HS3ST4: variants seen among roughly 807,000 people sequenced by gnomAD.
HS3ST4 encodes heparan sulfate-glucosamine 3-sulfotransferase 4.
A neutral mutation model predicts 29.2 loss-of-function variants in HS3ST4; 17 were observed. The ratio of observed to expected loss-of-function variants is 0.58; its 90% CI spans 0.40 to 0.87. The LOEUF (loss-of-function observed/expected upper bound fraction) is 0.87, where lower values mean the gene tolerates loss of function less well. HS3ST4 is among the 40% of genes least tolerant of loss of function. The pLI, the probability that HS3ST4 is intolerant of heterozygous loss-of-function variation, is 0.00. For synonymous variants in HS3ST4, 314 were observed against 285.7 expected, an observed-to-expected ratio of 1.10 and a Z score of -1.00; for missense variants, 627 against 634.5, an observed-to-expected ratio of 0.99 and a Z score of 0.13.
intron 1 of HS3ST4, among the ~76,000 whole-genome samples, chr16:26,058,678 G>A (rs1257913880): frequency 1.3e-5 from 2 of 152,210 alleles, no homozygotes; most frequent in Non-Finnish European, 1.5e-5. Context: ...TACTTGGCTA[G>A]AAATTGGTTC....
At chr16:25,904,785 A>G (rs1596609642) in intron 1 of HS3ST4, among the ~76,000 whole-genome samples, 1 of 152,304 alleles carries the variant, frequency 6.6e-6, no homozygotes, top group East Asian at 1.9e-4. Context: ...GTTCCTGTAT[A>G]AAGCGGGGCT....
At chr16:26,092,402 G>A (rs1898868443) in intron 1 of HS3ST4, among the ~76,000 whole-genome samples, 1 of 152,100 alleles carries the variant, frequency 6.6e-6, no homozygotes, top group African/African-American at 2.4e-5. Context: ...TCCATGTCCA[G>A]TCCCCACTGC....
intron 1 of HS3ST4, among the ~76,000 whole-genome samples, chr16:26,075,053 C>T (rs755989170): frequency 2.0e-5 from 3 of 152,098 alleles, no homozygotes; most frequent in Non-Finnish European, 4.4e-5. Context: ...ATTAGCTGGG[C>T]GTGGTGGTAC....
At chr16:25,886,023 T>C (rs910213582) in intron 1 of HS3ST4, among the ~76,000 whole-genome samples, 2 of 126,540 alleles carry the variant, frequency 1.6e-5, no homozygotes, top group Non-Finnish European at 3.2e-5. Context: ...CTTTTCTTAC[T>C]GTGGTTTTTT....
intron 1 of HS3ST4, among the ~76,000 whole-genome samples, chr16:25,756,153 C>CAT (rs1567233565): frequency 1.2e-5 from 1 of 81,284 alleles, no homozygotes; most frequent in African/African-American, 4.6e-5. Context: ...CACACACACA[C>CAT]GCACACACAC....
chr16:26,017,113 T>G (rs571333113), intron 1 of HS3ST4, among the ~76,000 whole-genome samples: 2 of 152,352 alleles, frequency 1.3e-5, no homozygotes, highest in African/African-American at 2.4e-5. Context: ...ATTCAGCAAC[T>G]GACACTTACG....
At chr16:25,931,137 G>A (rs115562393) in intron 1 of HS3ST4, among the ~76,000 whole-genome samples, 3,616 of 152,210 alleles carry the variant, frequency 0.024, 158 homozygotes, top group African/African-American at 0.083. Flanking sequence ...CGGGAAATGC[G>A]GCCTTTGGGG....
intron 1 of HS3ST4, among the ~76,000 whole-genome samples, chr16:26,075,458 A>G (rs1201795343): frequency 6.6e-6 from 1 of 152,208 alleles, no homozygotes; most frequent in Non-Finnish European, 1.5e-5. Flanking sequence ...ATGCTCAAGA[A>G]AGGTTTGTTG....
intron 1 of HS3ST4, among the ~76,000 whole-genome samples, chr16:25,834,322 A>C (rs1241949807): frequency 1.3e-5 from 2 of 152,354 alleles, no homozygotes; most frequent in Non-Finnish European, 1.5e-5. Flanking sequence ...TGTTTTAAGA[A>C]GTCCTCTAGG....
intron 1 of HS3ST4, among the ~76,000 whole-genome samples, chr16:25,803,153 T>C (rs1210962948): frequency 6.6e-6 from 1 of 152,058 alleles, no homozygotes; most frequent in African/African-American, 2.4e-5. Context: ...TGATTGTAAT[T>C]GTAATAAGTT....
At chr16:25,971,905 T>C (rs1377933871) in intron 1 of HS3ST4, among the ~76,000 whole-genome samples, 1 of 152,114 alleles carries the variant, frequency 6.6e-6, no homozygotes, top group Non-Finnish European at 1.5e-5. Context: ...GACTCCAGCC[T>C]GGGCTACAGA....
chr16:25,826,665 G>T (rs1415573011), intron 1 of HS3ST4, among the ~76,000 whole-genome samples: 4 of 152,174 alleles, frequency 2.6e-5, no homozygotes, highest in Non-Finnish European at 4.4e-5. Context: ...AAGGAAGATA[G>T]TCTAGGAACC....
At chr16:25,946,920 A>G (rs1336959902) in intron 1 of HS3ST4, among the ~76,000 whole-genome samples, 1 of 152,172 alleles carries the variant, frequency 6.6e-6, no homozygotes, top group East Asian at 1.9e-4. Context: ...TGTGATTGGG[A>G]GCAGCATGCA....
intron 1 of HS3ST4, among the ~76,000 whole-genome samples, chr16:25,902,778 CA>C (rs149658391): frequency 0.43 from 64,325 of 151,046 alleles, 14,031 homozygotes; most frequent in Middle Eastern, 0.5. Flanking sequence ...GCATTAAAAA[CA>C]AAAAAAACAG....
intron 1 of HS3ST4, among the ~76,000 whole-genome samples, chr16:25,762,891 A>AAG (rs901658583): frequency 2.0e-5 from 3 of 150,338 alleles, no homozygotes; most frequent in South Asian, 4.2e-4. Flanking sequence ...AAAAAAAAAA[A>AAG]AAAAAAAAGA....
At chr16:25,830,176 G>T (rs868235032) in intron 1 of HS3ST4, among the ~76,000 whole-genome samples, 1 of 152,264 alleles carries the variant, frequency 6.6e-6, no homozygotes, top group African/African-American at 2.4e-5. Context: ...TAGTTGAAGA[G>T]ATAAACTGTT....
chr16:26,049,359 G>A (rs557633812), intron 1 of HS3ST4, among the ~76,000 whole-genome samples: 15 of 150,614 alleles, frequency 1.0e-4, no homozygotes, highest in East Asian at 5.9e-4. Flanking sequence ...GTCTACATCC[G>A]GAGGTCTACA....
In HS3ST4 at chr16:25,759,502, A is replaced by C. The variant is rs562869124; in HGVS notation, c.734+66351A>C. 7.9e-5 allele frequency among the ~76,000 whole-genome samples: 12 copies of C among 152,358 alleles called. No individual in the cohort carries two copies. The South Asian group carries it at 2.5e-3, about 32-fold the overall frequency. ...AGGTGCCAGGAAAGGCGAGGGCCACAGAGATAGCAGAGATTATAATGGTGG... is the reference window on the plus strand; with the variant it reads ...AGGTGCCAGGAAAGGCGAGGGCCACCGAGATAGCAGAGATTATAATGGTGG... On this transcript the variant is annotated intron_variant, in intron 1 of 1. Transcript: ENST00000331351.
At chr16:25,693,554 G>A (rs993627151) in intron 1 of HS3ST4, among the ~76,000 whole-genome samples, 1 of 152,130 alleles carries the variant, frequency 6.6e-6, no homozygotes, top group Non-Finnish European at 1.5e-5. Context: ...ATTGACTAAG[G>A]GGATTTGAGG....
Sources: allele counts gnomAD v4.1 joint callset (sites outside exome capture counted in the v4.1 genomes callset), GRCh38; gene constraint gnomAD v4.1.1; transcripts MANE v1.5; gene names NCBI Gene and HGNC (gene_info 2026-07-23, HGNC 2026-07-21).